Variants in DDX19B observed in about 807,000 individuals in gnomAD.
The protein encoded by DDX19B is ATP-dependent RNA helicase DDX19B.
DDX19B carries 27 observed loss-of-function variants against 58.1 expected under a neutral mutation model. The ratio of observed to expected loss-of-function variants is 0.46; its 90% CI spans 0.34 to 0.64. The LOEUF is 0.64. Among genes scored for constraint, DDX19B ranks in the 30% least tolerant of loss-of-function variants. The probability of loss-of-function intolerance (pLI) is 0.01; values close to 1 mark genes in which losing one functional copy is unlikely to be tolerated. For missense variants in DDX19B, 399 were observed against 596.5 expected, an observed-to-expected ratio of 0.67 and a Z score of 3.45; for synonymous variants, 187 against 214.4, an observed-to-expected ratio of 0.87 and a Z score of 1.12.
In DDX19B at chr16:70,329,578, C is replaced by G. The variant is rs1010191320; in HGVS notation, c.785+109C>G. 4.6e-5 allele frequency: 69 copies of G among 1,497,432 alleles called. No individual in the cohort carries two copies. In the Middle Eastern group the frequency reaches 6.8e-4, roughly 15 times the overall value. The allele number at this position is 1,497,432 out of a possible 1,614,324, so 92.8% of individuals were successfully genotyped here. Reference sequence around the variant, plus strand: ...CTGCCTGGGTCTTGGCTCTCGTACTCTCAGCAGCATTTGTTTGACGGGCCA... The same window carrying G: ...CTGCCTGGGTCTTGGCTCTCGTACTGTCAGCAGCATTTGTTTGACGGGCCA... On this transcript the variant is annotated intron_variant, in intron 8 of 11. Transcript: ENST00000288071.
At chr16:70,296,394 C>T (rs1241878914), upstream of DDX19B, among the ~76,000 whole-genome samples, 2 of 151,846 alleles carry the variant, frequency 1.3e-5, no homozygotes, top group Non-Finnish European at 2.9e-5. Flanking sequence ...ACCTCAGCTT[C>T]AGGAGTAGCT....
chr16:70,330,214 A>G (rs1963413573), intron 9 of DDX19B, 146 bp downstream of exon 9: 5 of 870,150 alleles, frequency 5.7e-6, no homozygotes, highest in Admixed American at 2.4e-5. Context: ...TAAGAGGGAG[A>G]CTTTGATTCC....
upstream of DDX19B, among the ~76,000 whole-genome samples, chr16:70,297,167 GC>G (rs980868776): frequency 6.6e-6 from 1 of 151,934 alleles, no homozygotes; most frequent in Non-Finnish European, 1.5e-5. Context: ...ACCTGCTTTG[GC>G]CTCCCAAAGT....
upstream of DDX19B, among the ~76,000 whole-genome samples, chr16:70,294,558 G>A (rs1236174578): frequency 6.6e-6 from 1 of 152,200 alleles, no homozygotes; most frequent in Non-Finnish European, 1.5e-5. Context: ...CACCAAATGA[G>A]TGACCACTAT....
intron 5 of DDX19B, among the ~76,000 whole-genome samples, chr16:70,320,293 A>T (rs1962697630): frequency 6.6e-6 from 1 of 150,388 alleles, no homozygotes; most frequent in Non-Finnish European, 1.5e-5. Flanking sequence ...TATTTAATAG[A>T]GATGGGGTCT....
intron 5 of DDX19B, among the ~76,000 whole-genome samples, chr16:70,320,507 G>A (rs181313199): frequency 2.6e-5 from 4 of 151,478 alleles, no homozygotes; most frequent in Admixed American, 6.6e-5. Flanking sequence ...CCCAAGTAGC[G>A]GGGGCCACAG....
chr16:70,313,144 G>A lies in DDX19B; in HGVS notation c.106+487G>A, dbSNP rs573943624. ...CACCATTCTCCTGCCTCAGCCTCCC[G>A]GGTAGCTGGGACTACAGGCACCTGC... On this transcript the variant is annotated intron_variant, in intron 2 of 11. Coordinates refer to ENST00000288071, the MANE Select transcript of DDX19B (RefSeq NM_007242.7). 1.5e-4 allele frequency among the ~76,000 whole-genome samples: 23 copies of A among 149,594 alleles called. No individual in the cohort carries two copies. In the South Asian group the frequency reaches 4.0e-3, roughly 26 times the overall value.
intron 1 of DDX19B, among the ~76,000 whole-genome samples, chr16:70,303,708 C>G (rs1024988574): frequency 1.3e-5 from 2 of 152,058 alleles, no homozygotes; most frequent in Non-Finnish European, 2.9e-5. Flanking sequence ...AGGCGCCCAC[C>G]ACCACGCCAG....
At chr16:70,327,044 C>A (rs1195922966) in intron 7 of DDX19B, among the ~76,000 whole-genome samples, 1 of 150,772 alleles carries the variant, frequency 6.6e-6, no homozygotes, top group Non-Finnish European at 1.5e-5. Flanking sequence ...CTGTGTTAGC[C>A]AGGATGGTCT....
intron 1 of DDX19B, among the ~76,000 whole-genome samples, chr16:70,311,945 G>A (rs532422586): frequency 1.4e-4 from 22 of 151,938 alleles, no homozygotes; most frequent in African/African-American, 4.3e-4. Flanking sequence ...GGGTTCAAGC[G>A]ATTCTCCTGC....
At chr16:70,297,508 C>T (rs190508095), upstream of DDX19B, among the ~76,000 whole-genome samples, 18 of 152,214 alleles carry the variant, frequency 1.2e-4, no homozygotes, top group South Asian at 8.3e-4. Flanking sequence ...CCATTGTGCC[C>T]GGCCTCATGG....
At chr16:70,312,270 A>T (rs1195796913) in intron 1 of DDX19B, among the ~76,000 whole-genome samples, 2 of 152,182 alleles carry the variant, frequency 1.3e-5, no homozygotes, top group Non-Finnish European at 2.9e-5. Flanking sequence ...CCCCACACAC[A>T]AAAGAAATAT....
rs770589454 is a variant in DDX19B at position 70,329,810 on chromosome 16, T to C, written c.786-21T>C. ...CTTCCCGGGGCCACCTGGGGCCACC[T>C]ACCAGGGCCTTCCCTTGCAGGATGC... On this transcript the variant is annotated intron_variant, in intron 8 of 11. Transcript: ENST00000288071. The C allele has an allele frequency of 4.3e-6, 7 of 1,614,030 alleles. No homozygotes were observed. In the South Asian group the frequency reaches 7.7e-5, roughly 18 times the overall value.
intron 3 of DDX19B, 102 bp from the exon 4 acceptor site, chr16:70,315,867 C>T: frequency 7.1e-7 from 1 of 1,414,640 alleles, no homozygotes; most frequent in Non-Finnish European, 9.5e-7. Context: ...TTTGAATGTT[C>T]AGTACATTAT....
At chr16:70,309,817 C>CAA (rs61033553) in intron 1 of DDX19B, among the ~76,000 whole-genome samples, 8 of 42,628 alleles carry the variant, frequency 1.9e-4, no homozygotes, top group African/African-American at 5.0e-4. Flanking sequence ...GACTCCGTCT[C>CAA]AAAAAAAAAA....
rs1961347965 is a variant in DDX19B, at chr16:70,299,225, C to T, written c.-73C>T. On this transcript the variant is annotated 5_prime_UTR_variant, in exon 1 of 12. Coordinates refer to ENST00000288071, the MANE Select transcript of DDX19B (RefSeq NM_007242.7). ...GGGCTGGAGCAGAGCCTGCCGCGAACCCCCGGAGCCCACGATCCCTCGTGC... is the reference window on the plus strand; with the variant it reads ...GGGCTGGAGCAGAGCCTGCCGCGAATCCCCGGAGCCCACGATCCCTCGTGC... 1.6e-5 allele frequency: 24 copies of T among 1,457,514 alleles called. No homozygotes were observed. Among genetic ancestry groups the T allele is most frequent in the Non-Finnish European group, 2.1e-5 (23 of 1,104,028 alleles). The allele number at this position is 1,457,514 out of a possible 1,614,324, so 90.3% of individuals were successfully genotyped here.
chr16:70,316,467 C>G (rs1286375098), intron 4 of DDX19B, among the ~76,000 whole-genome samples: 1 of 152,098 alleles, frequency 6.6e-6, no homozygotes, highest in Non-Finnish European at 1.5e-5. Context: ...CTCGGCCTCC[C>G]AAAGCGCTGA....
At chr16:70,294,588 A>C (rs1039277564), upstream of DDX19B, among the ~76,000 whole-genome samples, 5 of 152,234 alleles carry the variant, frequency 3.3e-5, no homozygotes, top group African/African-American at 1.2e-4. Context: ...ACTGAGGATC[A>C]AGATTAAAGA....
chr16:70,292,462 A>G (rs1428640654), upstream of DDX19B, among the ~76,000 whole-genome samples: 2 of 152,178 alleles, frequency 1.3e-5, no homozygotes, highest in Non-Finnish European at 2.9e-5. Flanking sequence ...GTCTCTTAAA[A>G]CAAAAAAAAG....
Sources: allele counts gnomAD v4.1 joint callset (sites outside exome capture counted in the v4.1 genomes callset), GRCh38; gene constraint gnomAD v4.1.1; transcripts MANE v1.5; gene names NCBI Gene and HGNC (gene_info 2026-07-23, HGNC 2026-07-21).